The following TRIO variants were observed in gnomAD, a reference collection of about 807,000 sequenced individuals.
TRIO encodes trio Rho guanine nucleotide exchange factor, also known as triple functional domain protein.
Under a neutral mutation model 351.9 loss-of-function variants are expected in TRIO, and 58 were observed. That is an observed-to-expected ratio of 0.16 (90% confidence interval 0.13 to 0.21). The LOEUF is 0.21. Ranked by LOEUF, TRIO falls within the 10% of genes least tolerant of loss-of-function variation. The pLI, the probability that TRIO is intolerant of heterozygous loss-of-function variation, is 1.00. For missense variants in TRIO, 3,201 were observed against 4,027.8 expected (o/e 0.79, Z 5.56); for synonymous variants, 1,758 against 1,595.7 (o/e 1.10, Z -2.42).
At chr5:14,318,360 C>G (rs1242414845) in intron 9 of TRIO, among the ~76,000 whole-genome samples, 1 of 146,674 alleles carries the variant, frequency 6.8e-6, no homozygotes, top group Non-Finnish European at 1.5e-5. Flanking sequence ...GAGGCTGAGG[C>G]AGGAGAATCA....
chr5:14,354,353 T>C (rs954071100), intron 11 of TRIO, among the ~76,000 whole-genome samples: 1 of 152,250 alleles, frequency 6.6e-6, no homozygotes, highest in Admixed American at 6.5e-5. Flanking sequence ...AGAAGAGATA[T>C]TAATTTCTAT....
intron 8 of TRIO, among the ~76,000 whole-genome samples, chr5:14,313,112 G>C: frequency 6.6e-6 from 1 of 152,204 alleles, no homozygotes; most frequent in East Asian, 1.9e-4. Flanking sequence ...ATGCTGTCTG[G>C]TTTTAAAGTG....
chr5:14,218,700 G>A (rs906441168), intron 1 of TRIO, among the ~76,000 whole-genome samples: 2 of 152,240 alleles, frequency 1.3e-5, no homozygotes, highest in African/African-American at 4.8e-5. Flanking sequence ...GCCCAGTGGG[G>A]CAGGTGAGGG....
At chr5:14,414,172 T>C (rs992465222) in intron 33 of TRIO, among the ~76,000 whole-genome samples, 2 of 152,172 alleles carry the variant, frequency 1.3e-5, no homozygotes, top group African/African-American at 4.8e-5. Context: ...CCCGCCCTCG[T>C]TCCCTTTTCC....
intron 41 of TRIO, among the ~76,000 whole-genome samples, chr5:14,477,519 C>G (rs945630298): frequency 6.6e-6 from 1 of 152,160 alleles, no homozygotes; most frequent in Non-Finnish European, 1.5e-5. Context: ...CCAAACAAAT[C>G]CATCTTCACA....
chr5:14,419,695 C>T (rs962565559), intron 33 of TRIO, 83 bp from the exon 34 acceptor site: 18 of 1,564,578 alleles, frequency 1.2e-5, no homozygotes, highest in Non-Finnish European at 1.4e-5. Context: ...GGCAGGAACC[C>T]ACCTGGAGGA....
intron 55 of TRIO, among the ~76,000 whole-genome samples, chr5:14,505,071 C>T (rs543772521): frequency 3.3e-5 from 5 of 152,250 alleles, no homozygotes; most frequent in African/African-American, 9.6e-5. Context: ...GAATGTCCTC[C>T]GAAGAGGGGG....
At chr5:14,350,575 C>T (rs1231173493) in intron 11 of TRIO, among the ~76,000 whole-genome samples, 1 of 152,150 alleles carries the variant, frequency 6.6e-6, no homozygotes, top group Non-Finnish European at 1.5e-5. Context: ...TGTACTCAGT[C>T]TCGCACCTCT....
intron 1 of TRIO, among the ~76,000 whole-genome samples, chr5:14,202,176 A>G (rs1191607751): frequency 1.3e-5 from 2 of 151,996 alleles, no homozygotes; most frequent in East Asian, 3.8e-4. Flanking sequence ...AAAACAGCAT[A>G]TAGCATATAG....
chr5:14,498,716 T>C, intron 53 of TRIO, 76 bp downstream of exon 53: 1 of 1,579,358 alleles, frequency 6.3e-7, no homozygotes, highest in Non-Finnish European at 8.7e-7. Flanking sequence ...GTCCTGAGTC[T>C]GCCCTTACAC....
At position 14,498,228 on chromosome 5, in the gene TRIO, T is replaced by C. The variant is rs1360702104; in HGVS notation, c.8187T>C (p.Asp2729=). 2.5e-6 allele frequency: 4 copies of C among 1,614,198 alleles called. No individual in the cohort carries two copies. Among genetic ancestry groups the C allele is most frequent in the African/African-American group, 2.7e-5 (2 of 75,048 alleles). ...CTGAACACAACACCTTGAACAACGA[T>C]GGTCACTACAGCATCTCCTACAGGT... ...KGPEHNTLNN[D]GHYSISYSDL... The change falls in exon 52 of 57, where the codon GAT becomes GAC. Residue 2729 remains aspartate (D), a synonymous_variant. Transcript: ENST00000344204.
chr5:14,268,315 G>A (rs1795803662), intron 1 of TRIO, among the ~76,000 whole-genome samples: 1 of 152,204 alleles, frequency 6.6e-6, no homozygotes, highest in Non-Finnish European at 1.5e-5. Context: ...TCCATTGTGG[G>A]TATCAGTAAA....
chr5:14,366,215 G>A (rs961354546), intron 15 of TRIO, among the ~76,000 whole-genome samples: 1 of 152,042 alleles, frequency 6.6e-6, no homozygotes, highest in Non-Finnish European at 1.5e-5. Context: ...GTAAACGAGA[G>A]GGCAATAGGT....
chr5:14,492,883 A>G, intron 49 of TRIO, 69 bp downstream of exon 49: 2 of 1,577,810 alleles, frequency 1.3e-6, no homozygotes, highest in East Asian at 4.5e-5. Context: ...CGTGAGGCAC[A>G]CGACCTCAGA....
intron 1 of TRIO, among the ~76,000 whole-genome samples, chr5:14,218,767 C>CT (rs1237245285): frequency 6.6e-6 from 1 of 152,260 alleles, no homozygotes. Context: ...TCCGCGGCCA[C>CT]TGCCCTCCTG....
At chr5:14,428,627 G>A (rs1323546301) in intron 34 of TRIO, among the ~76,000 whole-genome samples, 1 of 152,176 alleles carries the variant, frequency 6.6e-6, no homozygotes, top group Non-Finnish European at 1.5e-5. Flanking sequence ...CCATTACTCT[G>A]TTGAGTGCTT....
At chr5:14,500,879 ACT>A (rs1266592373) in intron 53 of TRIO, among the ~76,000 whole-genome samples, 2 of 131,644 alleles carry the variant, frequency 1.5e-5, no homozygotes, top group Non-Finnish European at 3.1e-5. Context: ...ACAGAGCAAG[ACT>A]CTGCCTCAAA....
At chr5:14,465,454 A>G in intron 36 of TRIO, 91 bp from the exon 37 acceptor site, 5 of 1,252,530 alleles carry the variant, frequency 4.0e-6, no homozygotes, top group Non-Finnish European at 5.8e-6. Flanking sequence ...TACTTTCACA[A>G]GAGATGGAGC....
chr5:14,507,543 C>T (rs979016603), intron 56 of TRIO, among the ~76,000 whole-genome samples: 1 of 151,876 alleles, frequency 6.6e-6, no homozygotes, highest in Non-Finnish European at 1.5e-5. Flanking sequence ...GTGGCGGGTG[C>T]AGTGGTAGCT....
Sources: gnomAD v4.1 joint callset for allele counts (sites outside exome capture counted in the v4.1 genomes callset) on GRCh38, gnomAD v4.1.1 for gene constraint, MANE v1.5 for transcripts, NCBI Gene and HGNC (gene_info 2026-07-23, HGNC 2026-07-21) for gene names.